The following RALGPS2 variants were observed in gnomAD, a reference collection of about 807,000 sequenced individuals.
RALGPS2 encodes ras-specific guanine nucleotide-releasing factor RalGPS2.
Under a neutral mutation model 86.8 loss-of-function variants are expected in RALGPS2, and 43 were observed. The ratio of observed to expected loss-of-function variants is 0.50; its 90% confidence interval spans 0.39 to 0.64. The LOEUF is 0.64. RALGPS2 is among the 30% of genes least tolerant of loss of function. The pLI is 0.00. For missense variants in RALGPS2, 536 were observed against 694.6 expected (o/e 0.77, Z 2.57); for synonymous variants, 243 against 231.3 (o/e 1.05, Z -0.46).
chr1:178,874,541 G>T (rs898098090), intron 8 of RALGPS2, among the ~76,000 whole-genome samples: 2 of 152,110 alleles, frequency 1.3e-5, no homozygotes, highest in Non-Finnish European at 2.9e-5. Context: ...CTTCCTTGAA[G>T]CTTTCTCTGA....
At chr1:178,775,019 T>G (rs1653007475) in intron 1 of RALGPS2, among the ~76,000 whole-genome samples, 1 of 152,252 alleles carries the variant, frequency 6.6e-6, no homozygotes, top group Non-Finnish European at 1.5e-5. Context: ...ATTTCTAAGG[T>G]TTTGTCTTTT....
At chr1:178,778,398 G>C (rs1489704822) in intron 2 of RALGPS2, among the ~76,000 whole-genome samples, 160 of 7,432 alleles carry the variant, frequency 0.022, no homozygotes, top group African/African-American at 0.041. Context: ...GAAACAACAG[G>C]TGCTGGAGAG....
At chr1:178,889,552 G>A (rs1407345357) in intron 13 of RALGPS2, 90 bp from the exon 14 acceptor site, 4 of 851,776 alleles carry the variant, frequency 4.7e-6, no homozygotes, top group Admixed American at 2.0e-5. Context: ...CATTTTATGA[G>A]CATAGTTAAT....
intron 8 of RALGPS2, chr1:178,865,719 G>T (rs1487384053): frequency 1.2e-6 from 2 of 1,613,336 alleles, no homozygotes; most frequent in Non-Finnish European, 1.7e-6. Context: ...CCTCTGCAAT[G>T]TCCAGTGTCC....
chr1:178,822,784 A>T (rs1049328577), intron 7 of RALGPS2, among the ~76,000 whole-genome samples: 1 of 152,150 alleles, frequency 6.6e-6, no homozygotes, highest in Non-Finnish European at 1.5e-5. Flanking sequence ...ATAAATATAC[A>T]GTTATGAATT....
chr1:178,740,879 G>A (rs1006735833), intron 1 of RALGPS2, among the ~76,000 whole-genome samples: 1 of 152,074 alleles, frequency 6.6e-6, no homozygotes, highest in Non-Finnish European at 1.5e-5. Context: ...TGGGCAAATC[G>A]CTTAAACTCT....
In RALGPS2 at chr1:178,882,009, A is replaced by G. The variant is rs1341087866; in HGVS notation, c.837-1457A>G. 2.0e-5 allele frequency among the ~76,000 whole-genome samples: 3 copies of G among 152,178 alleles called. No homozygotes were observed. The East Asian group carries it at 5.8e-4, about 29-fold the overall frequency. ...AATTACATGTCTTTTGATCAGGGTG[A>G]AAATTCTTCTGGGTGATTTTATTTT... On this transcript the variant is annotated intron_variant, in intron 10 of 19. Coordinates refer to ENST00000367635, the MANE Select transcript of RALGPS2 (RefSeq NM_152663.5).
At chr1:178,844,096 G>C (rs1468829465) in intron 8 of RALGPS2, among the ~76,000 whole-genome samples, 1 of 152,104 alleles carries the variant, frequency 6.6e-6, no homozygotes, top group Non-Finnish European at 1.5e-5. Flanking sequence ...GATAGAAGTT[G>C]CCCTAAGAAC....
intron 8 of RALGPS2, among the ~76,000 whole-genome samples, chr1:178,869,540 C>T (rs1049900330): frequency 1.3e-5 from 2 of 152,048 alleles, no homozygotes; most frequent in Non-Finnish European, 2.9e-5. Context: ...TCCTGCACTT[C>T]CCATAGCATG....
intron 8 of RALGPS2, among the ~76,000 whole-genome samples, chr1:178,856,168 A>T (rs1657524540): frequency 7.0e-6 from 1 of 142,142 alleles, no homozygotes; most frequent in South Asian, 2.2e-4. Context: ...AAATTTTGAG[A>T]ACTGTGTTAC....
intron 2 of RALGPS2, among the ~76,000 whole-genome samples, chr1:178,781,066 G>C (rs895293860): frequency 9.2e-5 from 14 of 151,866 alleles, no homozygotes; most frequent in African/African-American, 3.4e-4. Context: ...AGAAATACCT[G>C]TTCTAGTATC....
At chr1:178,787,603 C>T (rs915456106) in intron 4 of RALGPS2, among the ~76,000 whole-genome samples, 2 of 152,192 alleles carry the variant, frequency 1.3e-5, no homozygotes, top group Non-Finnish European at 2.9e-5. Flanking sequence ...GATAATACTA[C>T]TTGAAGACAT....
At chr1:178,891,926 T>A (rs922638078) in intron 14 of RALGPS2, among the ~76,000 whole-genome samples, 6 of 149,342 alleles carry the variant, frequency 4.0e-5, no homozygotes, top group Admixed American at 2.0e-4. Context: ...GTTTTTTTTT[T>A]ATTATTTGGC....
At chr1:178,766,010 A>G (rs1305610698) in intron 1 of RALGPS2, among the ~76,000 whole-genome samples, 1 of 152,152 alleles carries the variant, frequency 6.6e-6, no homozygotes, top group Non-Finnish European at 1.5e-5. Flanking sequence ...TCCTGAGGCA[A>G]CATTCATCCT....
chr1:178,815,427 A>T (rs755244180), intron 6 of RALGPS2, among the ~76,000 whole-genome samples: 8 of 152,094 alleles, frequency 5.3e-5, no homozygotes, highest in Non-Finnish European at 1.2e-4. Flanking sequence ...ATAACTCTAG[A>T]TGCTAGTTCT....
chr1:178,811,545 G>T, intron 6 of RALGPS2, 141 bp downstream of exon 6: 1 of 580,552 alleles, frequency 1.7e-6, no homozygotes, highest in East Asian at 3.4e-5. Context: ...TTTTAAAATT[G>T]GATGCCTACT....
chr1:178,886,622 G>A (rs907285308), intron 13 of RALGPS2, among the ~76,000 whole-genome samples: 1 of 152,152 alleles, frequency 6.6e-6, no homozygotes, highest in Non-Finnish European at 1.5e-5. Context: ...GGTCAGATCT[G>A]AAGATATACG....
intron 1 of RALGPS2, among the ~76,000 whole-genome samples, chr1:178,735,434 T>TTC (rs1229029774): frequency 1.4e-5 from 2 of 147,982 alleles, no homozygotes; most frequent in East Asian, 3.9e-4. Flanking sequence ...TTCTTTTCTT[T>TTC]TTTTTTTTTT....
chr1:178,873,640 G>A (rs1658866775), intron 8 of RALGPS2, among the ~76,000 whole-genome samples: 2 of 152,186 alleles, frequency 1.3e-5, no homozygotes, highest in African/African-American at 2.4e-5. Context: ...CATGTGTACT[G>A]GGAGATGTGT....
Sources: allele counts gnomAD v4.1 joint callset (sites outside exome capture counted in the v4.1 genomes callset), GRCh38; gene constraint gnomAD v4.1.1; transcripts MANE v1.5; gene names NCBI Gene and HGNC (gene_info 2026-07-23, HGNC 2026-07-21).